The following PTK2 variants were observed in gnomAD, a reference collection of about 807,000 sequenced individuals.
PTK2 encodes focal adhesion kinase 1.
In PTK2, 45 loss-of-function variants were observed where a neutral mutation model predicts 150.1. That is an observed-to-expected ratio of 0.30 (90% confidence interval 0.24 to 0.38). PTK2 has a LOEUF of 0.38. PTK2 is among the 10% of genes least tolerant of loss of function. The pLI is 1.00. For synonymous variants in PTK2, 432 were observed against 449.2 expected (o/e 0.96, Z 0.48); for missense variants, 919 against 1,307.3 (o/e 0.70, Z 4.58).
At chr8:140,869,084 C>T (rs1277444356) in intron 4 of PTK2, among the ~76,000 whole-genome samples, 2 of 152,036 alleles carry the variant, frequency 1.3e-5, no homozygotes, top group Non-Finnish European at 2.9e-5. Flanking sequence ...ACAAGACTGA[C>T]CCTTTTGTAG....
At chr8:140,681,352 CAA>C (rs545284003) in intron 27 of PTK2, among the ~76,000 whole-genome samples, 15 of 120,312 alleles carry the variant, frequency 1.2e-4, no homozygotes, top group Non-Finnish European at 1.3e-4. Flanking sequence ...GACTCCGTCT[CAA>C]AAAAAAAAAA....
At chr8:140,716,985 C>G (rs1322999014) in intron 23 of PTK2, among the ~76,000 whole-genome samples, 1 of 152,172 alleles carries the variant, frequency 6.6e-6, no homozygotes, top group Non-Finnish European at 1.5e-5. Context: ...AAGGCCTGGG[C>G]TGACCTCTCC....
At chr8:140,664,815 T>A in intron 31 of PTK2, 102 bp downstream of exon 35, 1 of 1,162,706 alleles carries the variant, frequency 8.6e-7, no homozygotes, top group South Asian at 1.3e-5. Context: ...ATGTCTCTGC[T>A]GGCCACAGAC....
intron 26 of PTK2, among the ~76,000 whole-genome samples, chr8:140,693,597 A>G (rs2100024534): frequency 7.8e-6 from 1 of 128,088 alleles, no homozygotes; most frequent in African/African-American, 2.7e-5. Flanking sequence ...AAAAAAAAAA[A>G]AAAAAGGAGC....
intron 3 of PTK2, among the ~76,000 whole-genome samples, chr8:140,880,330 G>A (rs2100148479): frequency 6.6e-6 from 1 of 152,212 alleles, no homozygotes; most frequent in Admixed American, 6.5e-5. Flanking sequence ...GTTCCCTAGA[G>A]ATGGTGAAAT....
rs768607707 is a variant in PTK2, at chr8:140,764,387, T to C, written c.1178-97A>G. On this transcript the variant is annotated intron_variant, in intron 14 of 31. Coordinates refer to ENST00000522684, the Ensembl canonical transcript of PTK2. ...TAGGCAAAGCGATCTGCTTAAATCCTCTACTACGCTGAAATATTCTTAAAA... is the reference window on the plus strand; with the variant it reads ...TAGGCAAAGCGATCTGCTTAAATCCCCTACTACGCTGAAATATTCTTAAAA... 5 of 894,890 alleles carry C rather than the reference T, an allele frequency of 5.6e-6. No individual in the cohort carries two copies. In the South Asian group the frequency reaches 5.8e-5, roughly 10 times the overall value. 55.4% of individuals were successfully genotyped at this position (894,890 alleles called of 1,614,324 possible). A position where few individuals can be genotyped will look rare whatever the true frequency, so the allele number is the denominator to read the frequency against.
At chr8:140,695,201 C>G (rs1380507140) in intron 26 of PTK2, among the ~76,000 whole-genome samples, 2 of 152,130 alleles carry the variant, frequency 1.3e-5, no homozygotes, top group African/African-American at 4.8e-5. Flanking sequence ...TGATTCCTGT[C>G]CCGGATTCTT....
chr8:140,770,800 CT>C lies in PTK2; in HGVS notation c.1178-6511del. Reference sequence around the variant, plus strand: ...ACTTTATGTTGGCAGTGACTGACTCCTTTATAAAGAGGCAAGAGGGGAAAGA... The same window carrying C: ...ACTTTATGTTGGCAGTGACTGACTCCTTATAAAGAGGCAAGAGGGGAAAGA... On this transcript the variant is annotated intron_variant, in intron 14 of 31. Transcript: ENST00000522684. The C allele has an allele frequency of 7.7e-7, 1 of 1,307,042 alleles. No homozygotes were observed. The highest frequency in any genetic ancestry group is 1.3e-5 in the South Asian group (1 of 78,034). 81.0% of individuals were successfully genotyped at this position (1,307,042 alleles called of 1,614,324 possible). A position where few individuals can be genotyped will look rare whatever the true frequency, so the allele number is the denominator to read the frequency against.
At chr8:140,852,361 AGGATAGT>A (rs1359740733) in intron 5 of PTK2, among the ~76,000 whole-genome samples, 1 of 152,228 alleles carries the variant, frequency 6.6e-6, no homozygotes, top group Non-Finnish European at 1.5e-5. Context: ...TTGTGTCCAT[AGGATAGT>A]TCTGTATCTT....
chr8:140,754,847 TG>T (rs1594019768), intron 16 of PTK2, among the ~76,000 whole-genome samples: 1 of 152,322 alleles, frequency 6.6e-6, no homozygotes, highest in Admixed American at 6.5e-5. Context: ...ATCGGACTGC[TG>T]GAGAATGGGT....
At chr8:140,692,981 T>A (rs989478553) in intron 26 of PTK2, among the ~76,000 whole-genome samples, 2 of 152,154 alleles carry the variant, frequency 1.3e-5, no homozygotes, top group Non-Finnish European at 2.9e-5. Context: ...GTAGGCTTTA[T>A]ATAGATAGGG....
intron 1 of PTK2, among the ~76,000 whole-genome samples, chr8:140,953,999 G>A (rs979746214): frequency 2.7e-5 from 4 of 148,612 alleles, no homozygotes; most frequent in Non-Finnish European, 4.4e-5. Context: ...ACAGGGTCTT[G>A]CTCTGTCACC....
intron 22 of PTK2, among the ~76,000 whole-genome samples, chr8:140,733,550 C>T (rs964519782): frequency 6.6e-6 from 1 of 151,928 alleles, no homozygotes; most frequent in African/African-American, 2.4e-5. Flanking sequence ...AGGAACAATG[C>T]CAAGGACAGA....
At chr8:140,993,227 C>T (rs1246866582) in intron 1 of PTK2, among the ~76,000 whole-genome samples, 1 of 152,198 alleles carries the variant, frequency 6.6e-6, no homozygotes, top group African/African-American at 2.4e-5. Flanking sequence ...TGGTATCAAG[C>T]CCTATGTGAG....
chr8:140,942,654 A>G (rs549431287), intron 1 of PTK2, among the ~76,000 whole-genome samples: 19 of 152,026 alleles, frequency 1.2e-4, no homozygotes, highest in Non-Finnish European at 2.6e-4. Context: ...GTGCGCGCAT[A>G]TATGTGTGCA....
intron 5 of PTK2, among the ~76,000 whole-genome samples, chr8:140,852,626 T>C (rs369657738): frequency 2.0e-5 from 3 of 152,358 alleles, no homozygotes; most frequent in East Asian, 3.9e-4. Flanking sequence ...TTATTGTATG[T>C]AAATTATACC....
At chr8:140,768,934 G>GA (rs1340157427) in intron 14 of PTK2, among the ~76,000 whole-genome samples, 3 of 151,800 alleles carry the variant, frequency 2.0e-5, no homozygotes, top group Non-Finnish European at 4.4e-5. Flanking sequence ...TAATCAGGAG[G>GA]AAAAAAATAC....
intron 26 of PTK2, among the ~76,000 whole-genome samples, chr8:140,689,368 A>G (rs889713404): frequency 6.6e-6 from 1 of 152,254 alleles, no homozygotes; most frequent in African/African-American, 2.4e-5. Context: ...ACATTACTCA[A>G]TGTAAATATC....
intron 12 of PTK2, among the ~76,000 whole-genome samples, chr8:140,797,486 ATGTCTTCTG>A (rs2100092402): frequency 1.3e-5 from 2 of 152,296 alleles, no homozygotes; most frequent in East Asian, 3.9e-4. Flanking sequence ...TTCTATTTTT[ATGTCTTCTG>A]GAATTTATGC....
Sources: gnomAD v4.1 joint callset for allele counts (sites outside exome capture counted in the v4.1 genomes callset) on GRCh38, gnomAD v4.1.1 for gene constraint, MANE v1.5 for transcripts, NCBI Gene and HGNC (gene_info 2026-07-23, HGNC 2026-07-21) for gene names.